RPS6KA5: variants seen among roughly 807,000 people sequenced by gnomAD.
RPS6KA5 encodes ribosomal protein S6 kinase alpha-5.
RPS6KA5 carries 27 observed loss-of-function variants against 85.5 expected under a neutral mutation model. The observed-to-expected ratio is 0.32, with a 90% confidence interval of 0.23 to 0.44. The LOEUF (loss-of-function observed/expected upper bound fraction) is 0.44, where lower values mean the gene tolerates loss of function less well. RPS6KA5 is among the 20% of genes least tolerant of loss of function. The probability of loss-of-function intolerance (pLI) is 1.00; values close to 1 mark genes in which losing one functional copy is unlikely to be tolerated. For missense variants in RPS6KA5, 811 were observed against 980.9 expected, an observed-to-expected ratio of 0.83 and a Z score of 2.31; for synonymous variants, 334 against 348.2, an observed-to-expected ratio of 0.96 and a Z score of 0.46.
intron 2 of RPS6KA5, among the ~76,000 whole-genome samples, chr14:90,981,026 C>T (rs1272386392): frequency 6.6e-6 from 1 of 152,164 alleles, no homozygotes. Flanking sequence ...ACAAAATTAG[C>T]CGAGCATGGT....
rs200183961 is a variant in RPS6KA5, at chr14:90,862,455, CCTT to C, written c.*9616_*9618del. On this transcript the variant is annotated 3_prime_UTR_variant, in exon 17 of 17. Transcript: ENST00000614987. ...TCTTCCTCCTCCTCCTCCTCCTCCT[CCTT>C]CTTCTTCTTCTTCTTCTTCTTTTTT... The C allele has an allele frequency of 4.4e-3, 661 of 150,616 alleles. 9 individuals carry two copies. Among genetic ancestry groups the C allele is most frequent in the Middle Eastern group, 0.016 (6 of 372 alleles). 9.3% of individuals were successfully genotyped at this position (150,616 alleles called of 1,614,324 possible).
intron 13 of RPS6KA5, chr14:90,894,175 C>G: frequency 8.7e-7 from 1 of 1,151,178 alleles, no homozygotes; most frequent in Non-Finnish European, 1.1e-6. Flanking sequence ...ATAAAAGGTT[C>G]TCACACTTAC....
rs143053778 is a variant in RPS6KA5, at chr14:90,872,384, T to C, written c.2161-62A>G. On this transcript the variant is annotated intron_variant, in intron 16 of 16. Transcript: ENST00000614987. Reference sequence around the variant, plus strand: ...AAAGTACTGAAGCTTTCCTAGCAGTTATGACTTACAGCAGAAGACAACTTT... The same window carrying C: ...AAAGTACTGAAGCTTTCCTAGCAGTCATGACTTACAGCAGAAGACAACTTT... The C allele has an allele frequency of 9.1e-6, 14 of 1,530,552 alleles. No homozygotes were observed. In the Middle Eastern group the frequency reaches 5.3e-4, roughly 58 times the overall value. The allele number at this position is 1,530,552 out of a possible 1,614,324, so 94.8% of individuals were successfully genotyped here.
intron 3 of RPS6KA5, among the ~76,000 whole-genome samples, chr14:90,961,999 A>G (rs1263778337): frequency 6.6e-6 from 1 of 152,224 alleles, no homozygotes; most frequent in Non-Finnish European, 1.5e-5. Context: ...CAGACCAAAT[A>G]TCATTAAATG....
At chr14:90,911,901 G>A (rs1001917053) in intron 7 of RPS6KA5, among the ~76,000 whole-genome samples, 4 of 151,970 alleles carry the variant, frequency 2.6e-5, no homozygotes, top group African/African-American at 4.8e-5. Context: ...AATGAGTTTC[G>A]CTTACAAGAT....
chr14:90,920,369 G>T, intron 6 of RPS6KA5, 60 bp from the exon 7 acceptor site: 1 of 1,159,558 alleles, frequency 8.6e-7, no homozygotes, highest in Non-Finnish European at 1.3e-6. Context: ...TTATAAGAAA[G>T]AAAAAATGAA....
At chr14:90,954,408 TTTTTGTTTCA>T (rs900727540) in intron 3 of RPS6KA5, among the ~76,000 whole-genome samples, 2 of 152,276 alleles carry the variant, frequency 1.3e-5, no homozygotes, top group Admixed American at 6.5e-5. Context: ...TTTTGTTTGT[TTTTTGTTTCA>T]TTTTGTTTTG....
chr14:90,983,680 G>A (rs970628257), intron 2 of RPS6KA5, among the ~76,000 whole-genome samples: 1 of 151,310 alleles, frequency 6.6e-6, no homozygotes, highest in Non-Finnish European at 1.5e-5. Flanking sequence ...GAAAAGGGAA[G>A]GGAAGGGGAG....
chr14:90,996,151 A>G (rs2140554459), intron 2 of RPS6KA5, among the ~76,000 whole-genome samples: 1 of 151,832 alleles, frequency 6.6e-6, no homozygotes, highest in African/African-American at 2.4e-5. Context: ...AGCTGGGACT[A>G]TAAGCGAGTG....
At chr14:90,957,490 T>C (rs1342343706) in intron 3 of RPS6KA5, among the ~76,000 whole-genome samples, 1 of 152,214 alleles carries the variant, frequency 6.6e-6, no homozygotes, top group African/African-American at 2.4e-5. Flanking sequence ...ATTCGAACAA[T>C]GGTTCTAGCA....
At chr14:91,016,564 G>A (rs557049825) in intron 1 of RPS6KA5, among the ~76,000 whole-genome samples, 1 of 152,194 alleles carries the variant, frequency 6.6e-6, no homozygotes, top group South Asian at 2.1e-4. Flanking sequence ...AGTTATGTGT[G>A]TGTTGTGTGT....
chr14:90,989,005 G>C (rs957536360), intron 2 of RPS6KA5, among the ~76,000 whole-genome samples: 1 of 152,070 alleles, frequency 6.6e-6, no homozygotes, highest in Non-Finnish European at 1.5e-5. Context: ...ATTACTCCCA[G>C]AGATGCTAAT....
chr14:90,871,317 T>A lies in RPS6KA5; in HGVS notation c.*757A>T, dbSNP rs1490835266. On this transcript the variant is annotated 3_prime_UTR_variant, in exon 17 of 17. Transcript: ENST00000614987. The stretch of plus-strand genomic sequence containing the variant: ...ATAGTTTGCTTTATTCATACTTTTT[T>A]ATAAAGTGCAATATTACTTAAAACA... The A allele has an allele frequency of 6.6e-6, 1 of 152,590 alleles. No individual in the cohort carries two copies. 9.5% of individuals were successfully genotyped at this position (152,590 alleles called of 1,614,324 possible).
At chr14:91,059,972 C>A in intron 1 of RPS6KA5, 1 of 930,880 alleles carries the variant, frequency 1.1e-6, no homozygotes, top group Non-Finnish European at 1.3e-6. Flanking sequence ...CACGCGGAGG[C>A]AGGCGCACCT....
At chr14:90,993,751 T>C (rs2040402734) in intron 2 of RPS6KA5, among the ~76,000 whole-genome samples, 1 of 152,222 alleles carries the variant, frequency 6.6e-6, no homozygotes, top group Admixed American at 6.5e-5. Flanking sequence ...AATTTCTTTA[T>C]ACTTGTATGC....
Position 90,873,752 on chromosome 14 carries a change from G to A in RPS6KA5, c.2040C>T (p.Gly680=), listed in dbSNP as rs1249795933. The A allele has an allele frequency of 3.7e-6, 6 of 1,613,954 alleles. No homozygotes were observed. The highest frequency in any genetic ancestry group is 5.1e-6 in the Non-Finnish European group (6 of 1,179,972). ...CTTGTAGCCATTCATTGTACCTCAA[G>A]CCAGACATTTTAAGCCTTTTGTTTG... ...VDPNKRLKMS[G]LRYNEWLQDG... The change falls in exon 16 of 17, where the codon GGC becomes GGT. Residue 680 remains glycine, a synonymous_variant. Transcript: ENST00000614987.
At chr14:91,050,012 T>C (rs749895090) in intron 1 of RPS6KA5, among the ~76,000 whole-genome samples, 19 of 152,230 alleles carry the variant, frequency 1.2e-4, no homozygotes, top group Non-Finnish European at 1.5e-4. Context: ...ATGCAGCTCA[T>C]GAATATATAC....
At chr14:91,007,163 A>T (rs1436218195) in intron 1 of RPS6KA5, among the ~76,000 whole-genome samples, 1 of 152,220 alleles carries the variant, frequency 6.6e-6, no homozygotes, top group Non-Finnish European at 1.5e-5. Flanking sequence ...GTCTGACTAT[A>T]ACAGCATAGT....
chr14:91,057,432 C>T (rs879364875), intron 1 of RPS6KA5, among the ~76,000 whole-genome samples: 1 of 152,090 alleles, frequency 6.6e-6, no homozygotes, highest in Admixed American at 6.6e-5. Flanking sequence ...TGCAAATAAA[C>T]AAAGGACATG....
Sources: allele counts gnomAD v4.1 joint callset (sites outside exome capture counted in the v4.1 genomes callset), GRCh38; gene constraint gnomAD v4.1.1; transcripts MANE v1.5; gene names NCBI Gene and HGNC (gene_info 2026-07-23, HGNC 2026-07-21).